The following PLK2 variants were observed in gnomAD, a reference collection of about 807,000 sequenced individuals.
PLK2 encodes serine/threonine-protein kinase PLK2.
A neutral mutation model predicts 78.1 loss-of-function variants in PLK2; 25 were observed. The observed-to-expected ratio is 0.32, with a 90% CI of 0.23 to 0.45. The LOEUF (loss-of-function observed/expected upper bound fraction) is 0.45, where lower values mean the gene tolerates loss of function less well. Among genes scored for constraint, PLK2 ranks in the 20% least tolerant of loss-of-function variants. The pLI, the probability that PLK2 is intolerant of heterozygous loss-of-function variation, is 1.00. For synonymous variants in PLK2, 332 were observed against 298.2 expected (o/e 1.11, Z -1.17); for missense variants, 566 against 840.2 (o/e 0.67, Z 4.04).
chr5:58,459,564 G>A (rs1743699597), intron 1 of PLK2, 126 bp downstream of exon 1: 2 of 796,740 alleles, frequency 2.5e-6, no homozygotes, highest in Admixed American at 3.0e-5. Flanking sequence ...AGCCCACCTC[G>A]CGCTGGGATC....
intron 2 of PLK2, 71 bp from the exon 3 acceptor site, chr5:58,458,912 G>C: frequency 1.5e-6 from 2 of 1,303,884 alleles, no homozygotes; most frequent in Admixed American, 3.4e-5. Flanking sequence ...TACACATGCA[G>C]AAGACATTTT....
At position 58,454,498 on chromosome 5, in the gene PLK2, A is replaced by T; in HGVS notation, c.*85T>A. 1.0e-6 allele frequency: 1 copy of T among 960,640 alleles called. No homozygotes were observed. The highest frequency in any genetic ancestry group is 1.6e-6 in the Non-Finnish European group (1 of 626,776). The allele number at this position is 960,640 out of a possible 1,614,324, so 59.5% of individuals were successfully genotyped here. The stretch of plus-strand genomic sequence containing the variant: ...GTACCACCACATGTCCATCTTCTTC[A>T]ACATACTCTAGATCATTCTTTTGGC... On this transcript the variant is annotated 3_prime_UTR_variant, in exon 14 of 14. Transcript: ENST00000274289.
intron 10 of PLK2, 24 bp from the exon 11 acceptor site, chr5:58,455,803 T>A (rs200853253): frequency 2.0e-4 from 316 of 1,609,744 alleles, no homozygotes; most frequent in Non-Finnish European, 2.5e-4. Flanking sequence ...CAGAAATGTT[T>A]CAAGTTATAC....
intron 12 of PLK2, 45 bp downstream of exon 12, chr5:58,455,240 T>G (rs758365978): frequency 6.2e-7 from 1 of 1,604,784 alleles, no homozygotes; most frequent in South Asian, 1.1e-5. Context: ...TACTGCTTTG[T>G]GGCCTACACT....
intron 8 of PLK2, 56 bp downstream of exon 8, chr5:58,456,889 C>A: frequency 3.4e-6 from 4 of 1,191,844 alleles, no homozygotes; most frequent in Non-Finnish European, 4.7e-6. Context: ...AACTAATTTA[C>A]CAAATTTAAA....
rs1310483105 is a variant in PLK2 at position 58,458,847 on chromosome 5, T to G, written c.379-6A>C. The stretch of plus-strand genomic sequence containing the variant: ...AGCTCTATTTCTTTGTCAATCTAAA[T>G]GAAAAAGCAAGGTAAGGCTTATTAG... On this transcript the variant is annotated splice_region_variant and splice_polypyrimidine_tract_variant and intron_variant, in intron 2 of 13. Transcript: ENST00000274289. 2 of 1,555,926 alleles carry G rather than the reference T, an allele frequency of 1.3e-6. No homozygotes were observed.
At chr5:58,459,500 T>C (rs1743697697) in intron 1 of PLK2, 190 bp downstream of exon 1, 2 of 596,786 alleles carry the variant, frequency 3.4e-6, no homozygotes, top group East Asian at 2.8e-5. Context: ...AGGCTAAGAA[T>C]GCAAAGCCGA....
rs1743725602 is a variant in PLK2, at chr5:58,460,086, C to A, written c.-127G>T. On this transcript the variant is annotated 5_prime_UTR_variant, in exon 1 of 14. Transcript: ENST00000274289. ...CACCCAACACCCCGGTCCACTTGTG[C>A]GAGTGAGAGCGCTCGGCGAAGTCTT... 2.7e-6 allele frequency: 3 copies of A among 1,112,960 alleles called. No homozygotes were observed. Among genetic ancestry groups the A allele is most frequent in the Non-Finnish European group, 3.8e-6 (3 of 798,490 alleles). The allele number at this position is 1,112,960 out of a possible 1,614,324, so 68.9% of individuals were successfully genotyped here.
At position 58,458,368 on chromosome 5, in the gene PLK2, C is replaced by T. The variant is rs767108210; in HGVS notation, c.625+31G>A. The T allele has an allele frequency of 3.7e-6, 6 of 1,609,940 alleles. No individual in the cohort carries two copies. The African/African-American group carries it at 8.0e-5, about 22-fold the overall frequency. On this transcript the variant is annotated intron_variant, in intron 4 of 13. Transcript: ENST00000274289. Reference sequence around the variant, plus strand: ...AGAGAGAGAAAAAAGAACTCTAACACAAAACTCAGCTTTTGGCGTCAATGA... The same window carrying T: ...AGAGAGAGAAAAAAGAACTCTAACATAAAACTCAGCTTTTGGCGTCAATGA...
intron 4 of PLK2, 43 bp from the exon 5 acceptor site, chr5:58,458,214 C>A (rs370479360): frequency 2.1e-6 from 3 of 1,415,518 alleles, no homozygotes; most frequent in Non-Finnish European, 1.0e-6. Context: ...TTTGAAAATG[C>A]GTTCTAACCA....
chr5:58,459,563 C>T, intron 1 of PLK2, 127 bp downstream of exon 1: 1 of 797,884 alleles, frequency 1.3e-6, no homozygotes, highest in Non-Finnish European at 1.9e-6. Context: ...GAGCCCACCT[C>T]GCGCTGGGAT....
rs1307100732 is a variant in PLK2 at position 58,456,127 on chromosome 5, G to T, written c.1283C>A (p.Ala428Asp). ...EELQPPTTTV[A>D]RSGTPAVENK... ...TTCTACTGCGGGTGTTCCAGACCTG[G>T]CAACTGTGGTGGTAGGTGGCTGGAG... The change falls in exon 10 of 14, where the codon GCC becomes GAC. Residue 428 changes from alanine (A) to aspartate (D), a missense_variant. Around this residue, in one of 5 missense-constraint regions of PLK2, gnomAD observed 129 missense variants for 156.0 expected, o/e 0.83. Transcript: ENST00000274289. 1 of 1,613,784 alleles carries T rather than the reference G, an allele frequency of 6.2e-7. No individual in the cohort carries two copies. Among genetic ancestry groups the T allele is most frequent in the Non-Finnish European group, 8.5e-7 (1 of 1,179,836 alleles).
In PLK2 at chr5:58,455,330, C is replaced by G; in HGVS notation, c.1710G>C (p.Thr570=). Residue 570 remains threonine (T), a synonymous_variant, in exon 12 of 14, where the codon ACG becomes ACC. Transcript: ENST00000274289. ...DAPEQFISQV[T]VLKYFSHYME... is the part of the protein sequence containing the mutation. ...TGTAATGAGAAAAGTATTTCAGCACCGTCACTTGACTAATAAATTGCTCAG... is the reference window on the plus strand; with the variant it reads ...TGTAATGAGAAAAGTATTTCAGCACGGTCACTTGACTAATAAATTGCTCAG... The G allele has an allele frequency of 6.2e-7, 1 of 1,613,954 alleles. No individual in the cohort carries two copies. The highest frequency in any genetic ancestry group is 8.5e-7 in the Non-Finnish European group (1 of 1,179,886).
chr5:58,458,374 T>C, intron 4 of PLK2, 25 bp downstream of exon 4: 4 of 1,611,642 alleles, frequency 2.5e-6, no homozygotes, highest in Non-Finnish European at 2.5e-6. Flanking sequence ...AACACAAAAC[T>C]CAGCTTTTGG....
Position 58,456,019 on chromosome 5 carries a change from C to T in PLK2, c.1384+7G>A, listed in dbSNP as rs1308310006. The T allele has an allele frequency of 6.2e-7, 1 of 1,607,766 alleles. No homozygotes were observed. The highest frequency in any genetic ancestry group is 1.1e-5 in the South Asian group (1 of 89,520). On this transcript the variant is annotated splice_region_variant and intron_variant, in intron 10 of 13. Transcript: ENST00000274289. Reference sequence around the variant, plus strand: ...CATTATTTAAAATACGATTGACAACCACTTACATTCACTGCTGCTGCTACA... The same window carrying T: ...CATTATTTAAAATACGATTGACAACTACTTACATTCACTGCTGCTGCTACA...
intron 5 of PLK2, 57 bp from the exon 6 acceptor site, chr5:58,457,640 T>G (rs1743644923): frequency 2.0e-6 from 2 of 976,058 alleles, no homozygotes; most frequent in South Asian, 2.6e-5. Context: ...TTAAACTTGG[T>G]TCTCTTGACA....
At position 58,455,696 on chromosome 5, in the gene PLK2, C is replaced by A; in HGVS notation, c.1468G>T (p.Asp490Tyr). Residue 490 changes from aspartate to tyrosine, a missense_variant, in exon 11 of 14, where the codon GAT becomes TAT. Physicochemically the swap from Asp to Tyr is radical, Grantham distance 160 (BLOSUM62 -3). Transcript: ENST00000274289. ...CTCAGCTGCTCTTTGGGAATGCAAT[C>A]AGCTTCCGGCATGTTTTCCAGACAT... ...RGCLENMPEA[D>Y]CIPKEQLSTS... is the part of the protein sequence containing the mutation. 1 of 1,614,174 alleles carries A rather than the reference C, an allele frequency of 6.2e-7. No individual in the cohort carries two copies. Among genetic ancestry groups the A allele is most frequent in the South Asian group, 1.1e-5 (1 of 91,086 alleles).
In PLK2 at chr5:58,454,557, C is replaced by T; in HGVS notation, c.*26G>A. 6.6e-7 allele frequency: 1 copy of T among 1,504,222 alleles called. No individual in the cohort carries two copies. The highest frequency in any genetic ancestry group is 1.2e-5 in the South Asian group (1 of 83,646). The allele number at this position is 1,504,222 out of a possible 1,614,324, so 93.2% of individuals were successfully genotyped here. On this transcript the variant is annotated 3_prime_UTR_variant, in exon 14 of 14. Coordinates refer to ENST00000274289, the MANE Select transcript of PLK2 (RefSeq NM_006622.4). ...AGATCTCACAGTGGAAAAGAGGAGT[C>T]CCATAGGGTCCATTCGAAAAGTCTT...
At position 58,460,028 on chromosome 5, in the gene PLK2, G is replaced by C; in HGVS notation, c.-69C>G. On this transcript the variant is annotated 5_prime_UTR_variant, in exon 1 of 14. Coordinates refer to ENST00000274289, the MANE Select transcript of PLK2 (RefSeq NM_006622.4). The stretch of plus-strand genomic sequence containing the variant: ...GCGGTCACACGTCCGAGCCGGCCGT[G>C]GTCCTCGCACCCTTGCCTCTGGTGC... 6.6e-7 allele frequency: 1 copy of C among 1,516,738 alleles called. No individual in the cohort carries two copies. The highest frequency in any genetic ancestry group is 2.4e-4 in the Middle Eastern group (1 of 4,170). 94.0% of individuals were successfully genotyped at this position (1,516,738 alleles called of 1,614,324 possible). A position where few individuals can be genotyped will look rare whatever the true frequency, so the allele number is the denominator to read the frequency against.
Sources: allele counts gnomAD v4.1 joint callset, GRCh38; gene constraint gnomAD v4.1.1; regional missense constraint gnomAD v4.1.1; transcripts MANE v1.5; gene names NCBI Gene and HGNC (gene_info 2026-07-23, HGNC 2026-07-21).